CREB1: variants seen among roughly 807,000 people sequenced by gnomAD.
CREB1 encodes cAMP responsive element binding protein 1.
Under a neutral mutation model 42.0 loss-of-function variants are expected in CREB1, and 2 were observed. The ratio of observed to expected loss-of-function variants is 0.05; its 90% CI spans 0.02 to 0.15. CREB1 has a LOEUF of 0.15. Ranked by LOEUF, CREB1 falls within the 10% of genes least tolerant of loss-of-function variation. The pLI is 1.00. For synonymous variants in CREB1, 123 were observed against 139.9 expected (o/e 0.88, Z 0.85); for missense variants, 199 against 388.9 (o/e 0.51, Z 4.11).
chr2:207,566,095 CTTAGACT>C (rs555893666), intron 3 of CREB1, among the ~76,000 whole-genome samples: 35 of 152,198 alleles, frequency 2.3e-4, no homozygotes, highest in Non-Finnish European at 4.3e-4. Context: ...TCAGATTGTA[CTTAGACT>C]TTAAAGTGTT....
intron 1 of CREB1, among the ~76,000 whole-genome samples, chr2:207,547,483 G>A (rs973902053): frequency 1.3e-5 from 2 of 152,180 alleles, no homozygotes; most frequent in Admixed American, 6.5e-5. Context: ...TAGGAAGTAT[G>A]TGATCCTTTT....
chr2:207,540,809 T>G (rs1559264983), intron 1 of CREB1, among the ~76,000 whole-genome samples: 1 of 152,142 alleles, frequency 6.6e-6, no homozygotes, highest in Non-Finnish European at 1.5e-5. Context: ...TATTTGTGTT[T>G]TAAGCTATGT....
At chr2:207,577,934 CA>C (rs528513512) in intron 7 of CREB1, 36 of 407,178 alleles carry the variant, frequency 8.8e-5, no homozygotes, top group Non-Finnish European at 1.5e-4. Flanking sequence ...GCACTCCAAC[CA>C]GTTAGCCAGG....
At chr2:207,576,636 CA>C in intron 6 of CREB1, 4 of 1,288,658 alleles carry the variant, frequency 3.1e-6, no homozygotes, top group Admixed American at 4.7e-5. Context: ...TGCAGGTACT[CA>C]AAAATTGTAA....
chr2:207,561,520 C>T lies in CREB1; in HGVS notation c.261+1148C>T, dbSNP rs554628397. ...TCCTAAAACTTTTACCTAGTGATCC[C>T]GGGTAAACACAGGTTCTATTCTCGG... On this transcript the variant is annotated intron_variant, in intron 3 of 7. Transcript: ENST00000353267. Among the ~76,000 whole-genome samples the T allele has an allele frequency of 1.4e-3, 219 of 152,244 alleles. 1 individual carries two copies. The highest frequency in any genetic ancestry group is 0.01 in the Middle Eastern group (3 of 294).
intron 1 of CREB1, among the ~76,000 whole-genome samples, chr2:207,554,416 A>G (rs976681755): frequency 2.6e-5 from 4 of 152,232 alleles, no homozygotes; most frequent in Non-Finnish European, 4.4e-5. Flanking sequence ...TGGAAAAGTC[A>G]TGGGCTTTTT....
Position 207,599,005 on chromosome 2 carries a change from T to C in CREB1, c.*1947T>C, listed in dbSNP as rs1185782052. The C allele has an allele frequency of 3.2e-5, 6 of 185,234 alleles. No homozygotes were observed. Among genetic ancestry groups the C allele is most frequent in the Non-Finnish European group, 6.8e-5 (6 of 87,718 alleles). 11.5% of individuals were successfully genotyped at this position (185,234 alleles called of 1,614,324 possible). On this transcript the variant is annotated 3_prime_UTR_variant, in exon 8 of 8. Coordinates refer to ENST00000353267, the MANE Select transcript of CREB1 (RefSeq NM_004379.5). ...ATTTAAGTGTTAATTGCTGGATCCATTTTAAAATAAGATTTTAATTAACAT... is the reference window on the plus strand; with the variant it reads ...ATTTAAGTGTTAATTGCTGGATCCACTTTAAAATAAGATTTTAATTAACAT...
chr2:207,565,098 A>G (rs1204243158), intron 3 of CREB1, among the ~76,000 whole-genome samples: 3 of 151,314 alleles, frequency 2.0e-5, no homozygotes, highest in African/African-American at 7.3e-5. Flanking sequence ...AGCTACAGAG[A>G]TTACCTGTAT....
chr2:207,545,427 G>A (rs553072385), intron 1 of CREB1, among the ~76,000 whole-genome samples: 206 of 152,190 alleles, frequency 1.4e-3, no homozygotes, highest in Admixed American at 3.2e-3. Context: ...AGCTGGTCAC[G>A]AACTTCTCAC....
chr2:207,560,412 T>C, intron 3 of CREB1, 40 bp downstream of exon 3: 1 of 1,588,354 alleles, frequency 6.3e-7, no homozygotes, highest in South Asian at 1.1e-5. Flanking sequence ...TTAATAACTT[T>C]TGTTTATAGC....
In CREB1 at chr2:207,599,538, T is replaced by G. The variant is rs1176126786; in HGVS notation, c.*2480T>G. On this transcript the variant is annotated 3_prime_UTR_variant, in exon 8 of 8. Transcript: ENST00000353267. The stretch of plus-strand genomic sequence containing the variant: ...GAATTTATAAGTTATAAAGACCTTA[T>G]CCTTCATACCTTGAGGATGATTGCA... 5.1e-6 allele frequency: 1 copy of G among 197,490 alleles called. No individual in the cohort carries two copies. The highest frequency in any genetic ancestry group is 7.9e-5 in the East Asian group (1 of 12,642). The allele number at this position is 197,490 out of a possible 1,614,324, so 12.2% of individuals were successfully genotyped here.
At chr2:207,561,149 T>C in intron 3 of CREB1, 1 of 1,613,160 alleles carries the variant, frequency 6.2e-7, no homozygotes, top group South Asian at 1.1e-5. Context: ...AAGACTTTTC[T>C]CCGGAACACA....
At chr2:207,587,858 T>C (rs1233314069) in intron 7 of CREB1, among the ~76,000 whole-genome samples, 2 of 152,184 alleles carry the variant, frequency 1.3e-5, no homozygotes, top group African/African-American at 4.8e-5. Flanking sequence ...TCTAGGTTGG[T>C]AGAATGATTT....
At chr2:207,589,740 G>C (rs2084600843) in intron 7 of CREB1, among the ~76,000 whole-genome samples, 1 of 152,132 alleles carries the variant, frequency 6.6e-6, no homozygotes, top group Non-Finnish European at 1.5e-5. Flanking sequence ...TATTTGGTCT[G>C]TTATTAGAGT....
Position 207,605,322 on chromosome 2 carries a change from G to A in CREB1, c.*8264G>A, listed in dbSNP as rs1399566250. On this transcript the variant is annotated 3_prime_UTR_variant, in exon 8 of 8. Coordinates refer to ENST00000353267, the MANE Select transcript of CREB1 (RefSeq NM_004379.5). Reference sequence around the variant, plus strand: ...TTTCCCTGATTACTAATGATGTGGAGCATCTTTTGTTGTCTTTGGCCATCT... The same window carrying A: ...TTTCCCTGATTACTAATGATGTGGAACATCTTTTGTTGTCTTTGGCCATCT... Among the ~76,000 whole-genome samples the A allele has an allele frequency of 2.0e-5, 3 of 152,142 alleles. No homozygotes were observed. Among genetic ancestry groups the A allele is most frequent in the Admixed American group, 2.0e-4 (3 of 15,270 alleles).
chr2:207,540,424 T>G, intron 1 of CREB1, among the ~76,000 whole-genome samples: 1 of 151,902 alleles, frequency 6.6e-6, no homozygotes. Context: ...GCGGGTTGCT[T>G]GAGCCCAGGA....
chr2:207,593,179 T>G (rs1374353030), intron 7 of CREB1, among the ~76,000 whole-genome samples: 1 of 152,188 alleles, frequency 6.6e-6, no homozygotes, highest in East Asian at 1.9e-4. Context: ...CATCTGATCT[T>G]ACATGTTATC....
chr2:207,576,111 TGACTC>T (rs2082581970), intron 6 of CREB1, among the ~76,000 whole-genome samples: 1 of 151,704 alleles, frequency 6.6e-6, no homozygotes, highest in Non-Finnish European at 1.5e-5. Context: ...CCTCTGCACT[TGACTC>T]AGTTTTTGTT....
chr2:207,593,804 T>A (rs1385932737), intron 7 of CREB1, among the ~76,000 whole-genome samples: 1 of 151,234 alleles, frequency 6.6e-6, no homozygotes, highest in African/African-American at 2.4e-5. Flanking sequence ...CTGCAATCTC[T>A]GCCTCCTGGG....
Sources: allele counts gnomAD v4.1 joint callset (sites outside exome capture counted in the v4.1 genomes callset), GRCh38; gene constraint gnomAD v4.1.1; transcripts MANE v1.5; gene names NCBI Gene and HGNC (gene_info 2026-07-23, HGNC 2026-07-21).